The following GLI3 variants were observed in gnomAD, a reference collection of about 807,000 sequenced individuals.
GLI3 encodes the protein GLI family zinc finger 3, also known as transcription activator GLI3.
Under a neutral mutation model 100.8 loss-of-function variants are expected in GLI3, and 20 were observed. That is an observed-to-expected ratio of 0.20 (90% confidence interval 0.14 to 0.29). The LOEUF is 0.29. Among genes scored for constraint, GLI3 ranks in the 10% least tolerant of loss-of-function variants. GLI3 has a pLI of 1.00. For synonymous variants in GLI3, 938 were observed against 860.5 expected (o/e 1.09, Z -1.58); for missense variants, 2,040 against 2,128.5 (o/e 0.96, Z 0.82).
chr7:42,234,987 C>T (rs969460713), intron 1 of GLI3, among the ~76,000 whole-genome samples: 4 of 152,186 alleles, frequency 2.6e-5, no homozygotes, highest in African/African-American at 7.2e-5. Context: ...TATTTCCTAA[C>T]ATAAACAAAT....
chr7:42,209,986 G>GAAAAAAAAAAAAAAAAAAAAAAAAAA (rs749477443), intron 2 of GLI3, among the ~76,000 whole-genome samples: 1 of 33,268 alleles, frequency 3.0e-5, no homozygotes, highest in Non-Finnish European at 4.7e-5. Flanking sequence ...TTAAGAATCT[G>GAAAAAAAAAAAAAAAAAAAAAAAAAA]AAAAAAAAAA....
rs925792594 is a variant in GLI3 at position 42,215,510 on chromosome 7, G to A, written c.124+7620C>T. Reference sequence around the variant, plus strand: ...CCATCATCACCATTTCGCCGCTTAAGCATCCACTATTTGGTGGTTGTTTCT... The same window carrying A: ...CCATCATCACCATTTCGCCGCTTAAACATCCACTATTTGGTGGTTGTTTCT... On this transcript the variant is annotated intron_variant, in intron 2 of 14. Transcript: ENST00000395925. 3.3e-5 allele frequency among the ~76,000 whole-genome samples: 5 copies of A among 152,242 alleles called. No individual in the cohort carries two copies. In the South Asian group the frequency reaches 8.3e-4, roughly 25 times the overall value.
chr7:42,023,353 C>T, intron 10 of GLI3, 115 bp downstream of exon 10: 1 of 1,047,138 alleles, frequency 9.5e-7, no homozygotes, highest in Non-Finnish European at 1.5e-6. Context: ...AAAGCCCTCT[C>T]CAGTTCGCAA....
At chr7:42,220,303 C>A (rs1336672062) in intron 2 of GLI3, among the ~76,000 whole-genome samples, 1 of 152,138 alleles carries the variant, frequency 6.6e-6, no homozygotes, top group African/African-American at 2.4e-5. Context: ...CGAATAGCGT[C>A]AGTGCAGGGG....
rs181588431 is a variant in GLI3 at position 42,202,565 on chromosome 7, G to A, written c.124+20565C>T. On this transcript the variant is annotated intron_variant, in intron 2 of 14. Coordinates refer to ENST00000395925, the MANE Select transcript of GLI3 (RefSeq NM_000168.6). ...TAGCATCACTAAGAACGAAGGCAAG[G>A]TTATGGGTTTCATGTCCACAAAAGC... Among the ~76,000 whole-genome samples, 297 of 152,264 alleles carry A rather than the reference G, an allele frequency of 2.0e-3. 1 individual carries two copies. Among genetic ancestry groups the A allele is most frequent in the South Asian group, 6.0e-3 (29 of 4,816 alleles).
intron 3 of GLI3, among the ~76,000 whole-genome samples, chr7:42,117,792 G>C (rs1352363554): frequency 6.6e-6 from 1 of 152,142 alleles, no homozygotes; most frequent in East Asian, 1.9e-4. Context: ...TGATAAATGT[G>C]GATCTGGTGT....
At chr7:42,016,299 G>C (rs62441527) in intron 10 of GLI3, among the ~76,000 whole-genome samples, 11,778 of 152,094 alleles carry the variant, frequency 0.077, 527 homozygotes, top group Non-Finnish European at 0.096. Context: ...CCAGAGCGCC[G>C]CTCCAGTTCT....
At chr7:41,984,847 C>T (rs1230747332) in intron 10 of GLI3, among the ~76,000 whole-genome samples, 3 of 152,206 alleles carry the variant, frequency 2.0e-5, no homozygotes, top group South Asian at 2.1e-4. Context: ...CAAGGTACGA[C>T]GCCAAGTTCA....
At chr7:42,099,704 A>C (rs1785417748) in intron 3 of GLI3, among the ~76,000 whole-genome samples, 1 of 152,100 alleles carries the variant, frequency 6.6e-6, no homozygotes, top group Admixed American at 6.5e-5. Context: ...ATTTAAAAAA[A>C]ATTATTTGTA....
chr7:42,035,933 A>G (rs567846021), intron 7 of GLI3, among the ~76,000 whole-genome samples: 1 of 152,320 alleles, frequency 6.6e-6, no homozygotes, highest in South Asian at 2.1e-4. Context: ...ATATTTTATA[A>G]CATACTTTCC....
intron 3 of GLI3, among the ~76,000 whole-genome samples, chr7:42,078,644 T>C (rs946098178): frequency 1.3e-5 from 2 of 151,888 alleles, no homozygotes; most frequent in African/African-American, 4.8e-5. Flanking sequence ...CTTGTATCAC[T>C]GTCACTGTAG....
intron 7 of GLI3, among the ~76,000 whole-genome samples, chr7:42,027,018 A>C (rs1789137803): frequency 6.6e-6 from 1 of 152,218 alleles, no homozygotes. Flanking sequence ...ATCAGTGATC[A>C]ATGGGCTTCG....
At chr7:42,238,594 G>C (rs1291200744), upstream of GLI3, among the ~76,000 whole-genome samples, 2 of 152,148 alleles carry the variant, frequency 1.3e-5, no homozygotes, top group Non-Finnish European at 2.9e-5. Flanking sequence ...GGTCTCTAAC[G>C]TGCCGCTTTT....
intron 3 of GLI3, chr7:42,113,395 G>A: frequency 1.4e-6 from 1 of 701,284 alleles, no homozygotes. Context: ...GGGGGATGCT[G>A]AAGGAGATGA....
rs1443219785 is a variant in GLI3 at position 41,967,774 on chromosome 7, G to A, written c.2253C>T (p.Asp751=). The A allele has an allele frequency of 6.2e-7, 1 of 1,614,102 alleles. No individual in the cohort carries two copies. Among genetic ancestry groups the A allele is most frequent in the Non-Finnish European group, 8.5e-7 (1 of 1,180,058 alleles). The stretch of plus-strand genomic sequence containing the variant: ...CTGTGGTTGCAGTGGAAATGGTTGA[G>A]TCCATGATTGGGGTTTCATCGATGG... ...LSAIDETPIM[D]STISTATTAL... is the part of the protein sequence containing the mutation. Residue 751 remains aspartate (D), a synonymous_variant, in exon 14 of 15, where the codon GAC becomes GAT. Coordinates refer to ENST00000395925, the MANE Select transcript of GLI3 (RefSeq NM_000168.6).
At chr7:42,012,876 C>A (rs761618374) in intron 10 of GLI3, among the ~76,000 whole-genome samples, 12 of 152,158 alleles carry the variant, frequency 7.9e-5, no homozygotes, top group Non-Finnish European at 1.5e-4. Context: ...ACTCTCCCTG[C>A]CCCCAGGAAA....
chr7:42,039,300 A>C (rs1293566096), intron 7 of GLI3, among the ~76,000 whole-genome samples: 2 of 152,200 alleles, frequency 1.3e-5, no homozygotes, highest in Non-Finnish European at 2.9e-5. Flanking sequence ...GCAGTAAGAA[A>C]TATTTTATGT....
At chr7:42,262,977 C>T (rs1056116464) in intron 1 of GLI3, among the ~76,000 whole-genome samples, 1 of 150,974 alleles carries the variant, frequency 6.6e-6, no homozygotes, top group Admixed American at 6.6e-5. Context: ...TGATTAATAC[C>T]ACAGGATATG....
chr7:42,070,234 A>G (rs988321987), intron 4 of GLI3, among the ~76,000 whole-genome samples: 1 of 152,320 alleles, frequency 6.6e-6, no homozygotes, highest in African/African-American at 2.4e-5. Flanking sequence ...ACTGATAAGC[A>G]TCTCATTTTT....
Sources: gnomAD v4.1 joint callset for allele counts (sites outside exome capture counted in the v4.1 genomes callset) on GRCh38, gnomAD v4.1.1 for gene constraint, MANE v1.5 for transcripts, NCBI Gene and HGNC (gene_info 2026-07-23, HGNC 2026-07-21) for gene names.